Variants in GNAL observed in about 807,000 individuals in gnomAD.
GNAL encodes the protein guanine nucleotide-binding protein G(olf) subunit alpha.
GNAL carries 18 observed loss-of-function variants against 55.1 expected under a neutral mutation model. The observed-to-expected ratio is 0.33, with a 90% CI of 0.23 to 0.48. GNAL has a LOEUF of 0.48. Ranked by LOEUF, GNAL falls within the 20% of genes least tolerant of loss-of-function variation. GNAL has a pLI of 0.99. For synonymous variants in GNAL, 253 were observed against 237.0 expected (o/e 1.07, Z -0.62); for missense variants, 412 against 614.1 (o/e 0.67, Z 3.48).
chr18:11,748,995 G>A lies in GNAL; in HGVS notation c.377-3858G>A, dbSNP rs551460250. Among the ~76,000 whole-genome samples, 9 of 151,938 alleles carry A rather than the reference G, an allele frequency of 5.9e-5. No homozygotes were observed. The East Asian group carries it at 1.7e-3, about 29-fold the overall frequency. ...CAAAAAATTAGCTGGGTGTGATGGCGGGTGCCTATAATCCCAGCTACTCGG... is the reference window on the plus strand; with the variant it reads ...CAAAAAATTAGCTGGGTGTGATGGCAGGTGCCTATAATCCCAGCTACTCGG... On this transcript the variant is annotated intron_variant, in intron 1 of 11. Transcript: ENST00000334049.
intron 1 of GNAL, among the ~76,000 whole-genome samples, chr18:11,704,649 A>G (rs140898241): frequency 3.9e-4 from 60 of 152,142 alleles, no homozygotes; most frequent in African/African-American, 1.4e-3. Flanking sequence ...CGTCTCTTAC[A>G]TTTTTGTCTC....
intron 5 of GNAL, among the ~76,000 whole-genome samples, chr18:11,840,291 C>T (rs1207041769): frequency 6.6e-6 from 1 of 152,232 alleles, no homozygotes; most frequent in Non-Finnish European, 1.5e-5. Context: ...TATCCAGCTA[C>T]TGAGGCAGGT....
intron 10 of GNAL, among the ~76,000 whole-genome samples, chr18:11,873,652 T>A (rs564644330): frequency 1.3e-5 from 2 of 152,336 alleles, no homozygotes; most frequent in South Asian, 4.1e-4. Context: ...ACTGCCTTGC[T>A]CTACCCGCAG....
At chr18:11,731,363 G>A (rs1377333934) in intron 1 of GNAL, among the ~76,000 whole-genome samples, 1 of 152,174 alleles carries the variant, frequency 6.6e-6, no homozygotes, top group African/African-American at 2.4e-5. Flanking sequence ...GGCCAGGCTG[G>A]TTCTCCAACT....
At chr18:11,830,537 G>A (rs1391431995) in intron 5 of GNAL, among the ~76,000 whole-genome samples, 1 of 152,032 alleles carries the variant, frequency 6.6e-6, no homozygotes, top group East Asian at 1.9e-4. Flanking sequence ...AATTGTTAGG[G>A]CCTCAGGAGG....
Position 11,752,513 on chromosome 18 carries a change from AG to A in GNAL, c.377-339del. 1 of 1,613,318 alleles carries A rather than the reference AG, an allele frequency of 6.2e-7. No individual in the cohort carries two copies. Among genetic ancestry groups the A allele is most frequent in the Non-Finnish European group, 8.5e-7 (1 of 1,179,670 alleles). ...AAAGAACGACGCGAGGCCAACAAAA[AG>A]ATCGAGAAGCAGTTGCAGAAAGAGC... On this transcript the variant is annotated intron_variant, in intron 1 of 11. Transcript: ENST00000334049. The surrounding 1 kb of genome is among the most constrained non-coding windows in gnomAD (Gnocchi z 4.5).
chr18:11,808,861 C>T lies in GNAL; in HGVS notation c.625-16057C>T, dbSNP rs192870302. 3.9e-5 allele frequency among the ~76,000 whole-genome samples: 6 copies of T among 152,346 alleles called. No individual in the cohort carries two copies. The East Asian group carries it at 1.2e-3, about 29-fold the overall frequency. ...CTGACACATGCCATATCAGAGATGA[C>T]CCTTAGAAACATCATGCTAAGTCAG... On this transcript the variant is annotated intron_variant, in intron 4 of 11. Coordinates refer to ENST00000334049, the MANE Select transcript of GNAL (RefSeq NM_182978.4).
chr18:11,815,132 T>A (rs1430706208), intron 4 of GNAL, among the ~76,000 whole-genome samples: 2 of 152,182 alleles, frequency 1.3e-5, no homozygotes, highest in Non-Finnish European at 2.9e-5. Context: ...TGGAATATTA[T>A]CACCCCAGAG....
chr18:11,740,504 A>G (rs1169885851), intron 1 of GNAL, among the ~76,000 whole-genome samples: 1 of 152,212 alleles, frequency 6.6e-6, no homozygotes, highest in Non-Finnish European at 1.5e-5. Flanking sequence ...GCTCACAAAT[A>G]CACTTGCACA....
intron 4 of GNAL, among the ~76,000 whole-genome samples, chr18:11,776,883 C>T (rs548686989): frequency 6.6e-6 from 1 of 152,260 alleles, no homozygotes; most frequent in African/African-American, 2.4e-5. Flanking sequence ...ACAAGCTTCT[C>T]TACCCTTCGA....
At position 11,765,480 on chromosome 18, in the gene GNAL, C is replaced by T. The variant is rs530130828; in HGVS notation, c.624+11535C>T. Among the ~76,000 whole-genome samples the T allele has an allele frequency of 1.6e-4, 25 of 152,174 alleles. No homozygotes were observed. In the South Asian group the frequency reaches 5.2e-3, roughly 32 times the overall value. ...ACAATAAATTATTAAGTTACAGTTG[C>T]CCCATGGTGCTCCTCAATACTGTAT... is the stretch of plus-strand genomic sequence containing the variant. On this transcript the variant is annotated intron_variant, in intron 4 of 11. Coordinates refer to ENST00000334049, the MANE Select transcript of GNAL (RefSeq NM_182978.4).
chr18:11,857,331 G>C (rs1372395770), intron 5 of GNAL: 1 of 204,982 alleles, frequency 4.9e-6, no homozygotes, highest in Non-Finnish European at 8.6e-6. Context: ...AGAGCCAGCA[G>C]GGTTTAATCT....
intron 4 of GNAL, among the ~76,000 whole-genome samples, chr18:11,794,784 A>G (rs1281713375): frequency 6.8e-6 from 1 of 147,552 alleles, no homozygotes; most frequent in Non-Finnish European, 1.5e-5. Flanking sequence ...AAAAAAAAAA[A>G]GGACAGGCCA....
intron 1 of GNAL, among the ~76,000 whole-genome samples, chr18:11,691,914 T>C (rs1367133340): frequency 2.0e-5 from 3 of 152,166 alleles, no homozygotes. Context: ...AGGAACCAAA[T>C]GCTTGCTCTC....
chr18:11,768,534 G>A (rs2143245869), intron 4 of GNAL, among the ~76,000 whole-genome samples: 1 of 152,116 alleles, frequency 6.6e-6, no homozygotes, highest in Non-Finnish European at 1.5e-5. Context: ...CCAGGAGGCA[G>A]AGGTTGCGGT....
At chr18:11,772,091 C>T (rs1229595828) in intron 4 of GNAL, among the ~76,000 whole-genome samples, 2 of 152,084 alleles carry the variant, frequency 1.3e-5, no homozygotes, top group Non-Finnish European at 2.9e-5. Context: ...GAGCATCTAG[C>T]CCTACAGGAA....
chr18:11,797,643 T>G (rs2034424566), intron 4 of GNAL, among the ~76,000 whole-genome samples: 1 of 151,472 alleles, frequency 6.6e-6, no homozygotes, highest in Non-Finnish European at 1.5e-5. Context: ...ACTTGGGTGG[T>G]GGGGGGGCTG....
At chr18:11,880,850 T>C (rs887377519) in intron 11 of GNAL, 139 bp from the exon 12 acceptor site, 1 of 816,420 alleles carries the variant, frequency 1.2e-6, no homozygotes, top group Non-Finnish European at 1.9e-6. Context: ...TTGAGACCAT[T>C]CCTGCCTCTA....
intron 4 of GNAL, among the ~76,000 whole-genome samples, chr18:11,757,983 T>C (rs2033115754): frequency 6.6e-6 from 1 of 151,744 alleles, no homozygotes; most frequent in Admixed American, 6.6e-5. Flanking sequence ...GGTTTTGCTG[T>C]GGAGGAAGGC....
Sources: allele counts gnomAD v4.1 joint callset (sites outside exome capture counted in the v4.1 genomes callset), GRCh38; gene constraint gnomAD v4.1.1; non-coding constraint Gnocchi (gnomAD v3.1); transcripts MANE v1.5; gene names NCBI Gene and HGNC (gene_info 2026-07-23, HGNC 2026-07-21).